Variants in DPP6 observed in about 807,000 individuals in gnomAD.
DPP6 encodes the protein dipeptidyl peptidase like 6.
In DPP6, 69 loss-of-function variants were observed where a neutral mutation model predicts 122.6. The ratio of observed to expected loss-of-function variants is 0.56; its 90% confidence interval spans 0.46 to 0.69. The LOEUF is 0.69. Ranked by LOEUF, DPP6 falls within the 30% of genes least tolerant of loss-of-function variation. The pLI, the probability that DPP6 is intolerant of heterozygous loss-of-function variation, is 0.00. For missense variants in DPP6, 928 were observed against 1,116.9 expected (o/e 0.83, Z 2.41); for synonymous variants, 418 against 433.1 (o/e 0.97, Z 0.43).
chr7:154,575,224 G>GGTGT (rs1211385129), intron 5 of DPP6, among the ~76,000 whole-genome samples: 4 of 121,116 alleles, frequency 3.3e-5, no homozygotes, highest in Admixed American at 3.3e-4. Flanking sequence ...TGTGTGGTGT[G>GGTGT]GTGTGTGTGT....
intron 1 of DPP6, among the ~76,000 whole-genome samples, chr7:154,253,558 T>G (rs1352512802): frequency 6.6e-6 from 1 of 152,244 alleles, no homozygotes; most frequent in African/African-American, 2.4e-5. Context: ...CATATCACGA[T>G]TTTTAAAAAT....
At chr7:153,964,993 T>C in intron 1 of DPP6, among the ~76,000 whole-genome samples, 2 of 57,620 alleles carry the variant, frequency 3.5e-5, no homozygotes, top group African/African-American at 1.4e-4. Context: ...CCTTCCTTCC[T>C]TCCTTTCTTC....
chr7:154,435,371 C>T (rs1818777130), intron 1 of DPP6, among the ~76,000 whole-genome samples: 1 of 152,162 alleles, frequency 6.6e-6, no homozygotes, highest in Non-Finnish European at 1.5e-5. Context: ...AACGCTTTCC[C>T]ACCAGTTTCA....
the DPP6 span, among the ~76,000 whole-genome samples, chr7:153,815,857 T>C: frequency 6.6e-6 from 1 of 152,170 alleles, no homozygotes; most frequent in East Asian, 1.9e-4. Context: ...TCTGCACATT[T>C]TATGATGAGA....
intron 7 of DPP6, among the ~76,000 whole-genome samples, chr7:154,717,774 G>T (rs1284046542): frequency 2.0e-5 from 3 of 152,170 alleles, no homozygotes; most frequent in Non-Finnish European, 4.4e-5. Context: ...ACAACCATAT[G>T]ATTGCTGGAT....
the DPP6 span, among the ~76,000 whole-genome samples, chr7:153,791,352 C>A: frequency 9.2e-5 from 14 of 151,836 alleles, no homozygotes; most frequent in Admixed American, 3.9e-4. Flanking sequence ...CTATTCACAT[C>A]TCCAGGAAGC....
At chr7:153,822,181 C>CTTT in the DPP6 span, among the ~76,000 whole-genome samples, 3 of 61,880 alleles carry the variant, frequency 4.8e-5, no homozygotes, top group African/African-American at 6.3e-5. Flanking sequence ...GGGGGGGAAT[C>CTTT]TTTTTTTTTT....
chr7:154,135,230 G>C (rs1297925976), intron 1 of DPP6, among the ~76,000 whole-genome samples: 2 of 149,964 alleles, frequency 1.3e-5, no homozygotes, highest in Non-Finnish European at 3.0e-5. Context: ...ACTTCTATGA[G>C]CCCATAGATC....
Position 154,858,694 on chromosome 7 carries a change from G to A in DPP6, c.1714+4867G>A, listed in dbSNP as rs976117071. 1.1e-4 allele frequency among the ~76,000 whole-genome samples: 16 copies of A among 152,228 alleles called. No homozygotes were observed. The East Asian group carries it at 2.7e-3, about 26-fold the overall frequency. On this transcript the variant is annotated intron_variant, in intron 17 of 25. Coordinates refer to ENST00000377770, the MANE Select transcript of DPP6 (RefSeq NM_130797.4). ...CTGTTAAACCTGTGGGAGCCCCGTC[G>A]AATTAAGGGCTCTGCTTCCTGCAGC...
intron 1 of DPP6, among the ~76,000 whole-genome samples, chr7:154,431,797 T>A (rs1586252730): frequency 6.6e-6 from 1 of 152,278 alleles, no homozygotes; most frequent in East Asian, 1.9e-4. Flanking sequence ...CCTCCCAAAG[T>A]GCTGGGATTA....
chr7:153,897,902 A>C (rs912072876), intron 1 of DPP6, among the ~76,000 whole-genome samples: 1 of 152,194 alleles, frequency 6.6e-6, no homozygotes, highest in Non-Finnish European at 1.5e-5. Context: ...TTGAGCCATT[A>C]GTGAACTGAT....
chr7:154,887,612 T>A (rs1806264931), intron 22 of DPP6, 64 bp from the exon 23 acceptor site: 4 of 1,565,732 alleles, frequency 2.6e-6, no homozygotes, highest in African/African-American at 1.4e-5. Flanking sequence ...TCCCTAGAGT[T>A]TGGGGGCTGC....
chr7:154,455,210 T>C (rs754850915), intron 2 of DPP6, among the ~76,000 whole-genome samples: 6 of 152,136 alleles, frequency 3.9e-5, no homozygotes, highest in Non-Finnish European at 8.8e-5. Flanking sequence ...GTTTTCTGAG[T>C]AGTTCCTTTC....
the DPP6 span, among the ~76,000 whole-genome samples, chr7:153,843,097 TAC>T: frequency 3.7e-3 from 553 of 149,094 alleles, 4 homozygotes; most frequent in African/African-American, 0.013. Context: ...CACGAGTGCA[TAC>T]ACACACGAGT....
At chr7:154,845,400 C>A (rs776589452) in intron 16 of DPP6, among the ~76,000 whole-genome samples, 2 of 152,108 alleles carry the variant, frequency 1.3e-5, no homozygotes, top group African/African-American at 4.8e-5. Flanking sequence ...CCTGCAGCAA[C>A]GTGGTAAGAA....
intron 5 of DPP6, among the ~76,000 whole-genome samples, chr7:154,580,150 T>TCAC (rs1554591277): frequency 7.2e-6 from 1 of 138,880 alleles, no homozygotes; most frequent in Non-Finnish European, 1.6e-5. Context: ...CTCTCCCCCT[T>TCAC]ACACACACAC....
At chr7:154,176,208 T>G (rs1797795145) in intron 1 of DPP6, among the ~76,000 whole-genome samples, 1 of 152,230 alleles carries the variant, frequency 6.6e-6, no homozygotes, top group Non-Finnish European at 1.5e-5. Flanking sequence ...GAGGACTATC[T>G]GGAAATCGGT....
intron 1 of DPP6, among the ~76,000 whole-genome samples, chr7:154,149,555 G>GATA (rs1796304683): frequency 8.9e-6 from 1 of 112,328 alleles, no homozygotes; most frequent in African/African-American, 3.4e-5. Flanking sequence ...TTCTTGGGGG[G>GATA]CTCCCCACCG....
intron 1 of DPP6, among the ~76,000 whole-genome samples, chr7:154,091,991 C>A (rs1352006746): frequency 2.0e-5 from 3 of 152,056 alleles, no homozygotes; most frequent in Admixed American, 6.5e-5. Flanking sequence ...CAACAATTTC[C>A]AGGATGTTGC....
Sources: gnomAD v4.1 joint callset for allele counts (sites outside exome capture counted in the v4.1 genomes callset) on GRCh38, gnomAD v4.1.1 for gene constraint, MANE v1.5 for transcripts, NCBI Gene and HGNC (gene_info 2026-07-23, HGNC 2026-07-21) for gene names.